Variants in NDFIP2 observed in about 807,000 individuals in gnomAD.
NDFIP2 encodes Nedd4 family interacting protein 2.
Under a neutral mutation model 36.0 loss-of-function variants are expected in NDFIP2, and 19 were observed. That is an observed-to-expected ratio of 0.53 (90% confidence interval 0.37 to 0.77). NDFIP2 has a LOEUF of 0.77. NDFIP2 is among the 30% of genes least tolerant of loss of function. The probability of loss-of-function intolerance (pLI) is 0.00; values close to 1 mark genes in which losing one functional copy is unlikely to be tolerated. For synonymous variants in NDFIP2, 181 were observed against 167.7 expected, an observed-to-expected ratio of 1.08 and a Z score of -0.61; for missense variants, 446 against 435.8, an observed-to-expected ratio of 1.02 and a Z score of -0.21.
intron 4 of NDFIP2, among the ~76,000 whole-genome samples, chr13:79,542,965 C>T (rs1287600626): frequency 6.6e-6 from 1 of 151,946 alleles, no homozygotes; most frequent in Non-Finnish European, 1.5e-5. Context: ...CAACCTCTAC[C>T]TCCCAGGTTC....
chr13:79,515,885 T>G (rs1019548338), intron 1 of NDFIP2, among the ~76,000 whole-genome samples: 3 of 144,956 alleles, frequency 2.1e-5, no homozygotes, highest in Non-Finnish European at 4.5e-5. Context: ...AATCAGGTGT[T>G]AAAAAGGTGA....
At position 79,553,523 on chromosome 13, in the gene NDFIP2, A is replaced by G. The variant is rs1035730581; in HGVS notation, c.*1010A>G. The G allele has an allele frequency of 2.4e-4, 37 of 151,596 alleles. No individual in the cohort carries two copies. The highest frequency in any genetic ancestry group is 2.7e-4 in the Non-Finnish European group (18 of 67,518). The allele number at this position is 151,596 out of a possible 1,614,324, so 9.4% of individuals were successfully genotyped here. A position where few individuals can be genotyped will look rare whatever the true frequency, so the allele number is the denominator to read the frequency against. On this transcript the variant is annotated 3_prime_UTR_variant, in exon 8 of 8. Transcript: ENST00000218652. ...TTAAAAGGCCAATAAAATATCTTTC[A>G]GTATCATTGTAATAATTTTTTAGAG...
At chr13:79,540,628 A>G (rs1219738448) in intron 4 of NDFIP2, among the ~76,000 whole-genome samples, 1 of 152,214 alleles carries the variant, frequency 6.6e-6, no homozygotes, top group East Asian at 1.9e-4. Flanking sequence ...GAAATAATTT[A>G]CTTATTTAAA....
At chr13:79,506,342 T>C (rs2140750132) in intron 1 of NDFIP2, among the ~76,000 whole-genome samples, 1 of 152,268 alleles carries the variant, frequency 6.6e-6, no homozygotes, top group South Asian at 2.1e-4. Flanking sequence ...ACTCTGTTAC[T>C]TCTTTAACAT....
rs1264636762 is a variant in NDFIP2 at position 79,553,777 on chromosome 13, A to G, written c.*1264A>G. 2 of 151,934 alleles carry G rather than the reference A, an allele frequency of 1.3e-5. No homozygotes were observed. Among genetic ancestry groups the G allele is most frequent in the East Asian group, 3.8e-4 (2 of 5,198 alleles). The allele number at this position is 151,934 out of a possible 1,614,324, so 9.4% of individuals were successfully genotyped here. On this transcript the variant is annotated 3_prime_UTR_variant, in exon 8 of 8. Coordinates refer to ENST00000218652, the MANE Select transcript of NDFIP2 (RefSeq NM_019080.3). ...ATTTAATTTACATTCATAAACTACT[A>G]TATTTCCCATCTTGCAAATCATTTT...
chr13:79,492,464 G>C (rs957859475), intron 1 of NDFIP2, among the ~76,000 whole-genome samples: 1 of 151,890 alleles, frequency 6.6e-6, no homozygotes, highest in Non-Finnish European at 1.5e-5. Flanking sequence ...AGTGCAGTCT[G>C]GTGGATCACA....
chr13:79,544,939 C>G (rs1875605979), intron 5 of NDFIP2, among the ~76,000 whole-genome samples: 1 of 152,144 alleles, frequency 6.6e-6, no homozygotes, highest in South Asian at 2.1e-4. Flanking sequence ...ATCATTAGAA[C>G]TATCCCCTGA....
At chr13:79,528,011 T>C (rs2484342) in intron 2 of NDFIP2, among the ~76,000 whole-genome samples, 152,043 of 152,368 alleles carry the variant, frequency 1, 75,862 homozygotes, top group East Asian at 1. Flanking sequence ...TGCCTATAAT[T>C]CCAGTACTTT....
At chr13:79,501,065 GA>G (rs1018407138) in intron 1 of NDFIP2, among the ~76,000 whole-genome samples, 4 of 152,158 alleles carry the variant, frequency 2.6e-5, no homozygotes, top group African/African-American at 9.6e-5. Flanking sequence ...AAGCCAGTCT[GA>G]AAAGGCTGTA....
intron 1 of NDFIP2, among the ~76,000 whole-genome samples, chr13:79,504,765 T>C (rs981638382): frequency 6.6e-6 from 1 of 152,204 alleles, no homozygotes; most frequent in Non-Finnish European, 1.5e-5. Context: ...TAAATAGTTA[T>C]AACTTTAGTG....
At chr13:79,538,255 C>T (rs973825711) in intron 3 of NDFIP2, among the ~76,000 whole-genome samples, 6 of 152,074 alleles carry the variant, frequency 3.9e-5, no homozygotes, top group East Asian at 1.9e-4. Context: ...GGACACAGAT[C>T]GAACCATATA....
At chr13:79,491,975 C>T (rs981011441) in intron 1 of NDFIP2, among the ~76,000 whole-genome samples, 1 of 152,102 alleles carries the variant, frequency 6.6e-6, no homozygotes, top group Non-Finnish European at 1.5e-5. Context: ...GACTTGCTTG[C>T]TTTTAAGATT....
intron 3 of NDFIP2, among the ~76,000 whole-genome samples, chr13:79,539,014 G>A (rs189338554): frequency 1.3e-5 from 2 of 152,284 alleles, no homozygotes; most frequent in African/African-American, 4.8e-5. Flanking sequence ...GACTGGCATC[G>A]AATGCCGGCA....
intron 1 of NDFIP2, among the ~76,000 whole-genome samples, chr13:79,509,416 AG>A (rs1319230514): frequency 1.3e-5 from 2 of 152,148 alleles, no homozygotes; most frequent in African/African-American, 4.8e-5. Context: ...GTGGAGACCA[AG>A]GTTTGATCAT....
intron 1 of NDFIP2, among the ~76,000 whole-genome samples, chr13:79,505,322 C>T (rs565216555): frequency 6.6e-6 from 1 of 152,256 alleles, no homozygotes; most frequent in African/African-American, 2.4e-5. Context: ...GTTATCCTTA[C>T]TGTGGGAGTT....
In NDFIP2 at chr13:79,554,239, T is replaced by G. The variant is rs1876021144; in HGVS notation, c.*1726T>G. Reference sequence around the variant, plus strand: ...ATGGGGTAAAGAAAAAATATTTAGTTTAGTTGCCTAATTTGGAAGTTAATT... The same window carrying G: ...ATGGGGTAAAGAAAAAATATTTAGTGTAGTTGCCTAATTTGGAAGTTAATT... On this transcript the variant is annotated 3_prime_UTR_variant, in exon 8 of 8. Coordinates refer to ENST00000218652, the MANE Select transcript of NDFIP2 (RefSeq NM_019080.3). 6.6e-6 allele frequency: 1 copy of G among 151,740 alleles called. No homozygotes were observed. Among genetic ancestry groups the G allele is most frequent in the African/African-American group, 2.4e-5 (1 of 41,430 alleles). 9.4% of individuals were successfully genotyped at this position (151,740 alleles called of 1,614,324 possible). A position where few individuals can be genotyped will look rare whatever the true frequency, so the allele number is the denominator to read the frequency against.
rs557459454 is a variant in NDFIP2, at chr13:79,519,319, G to A, written c.322-1491G>A. On this transcript the variant is annotated intron_variant, in intron 1 of 7. Transcript: ENST00000218652. Reference sequence around the variant, plus strand: ...TGAAATAGAGATTCCAGTTTTAAAAGTATCTTAAAAATTTTTAATAAGACT... The same window carrying A: ...TGAAATAGAGATTCCAGTTTTAAAAATATCTTAAAAATTTTTAATAAGACT... 4 of 152,248 alleles carry A rather than the reference G, an allele frequency of 2.6e-5. No homozygotes were observed. In the East Asian group the frequency reaches 7.7e-4, roughly 29 times the overall value. The allele number at this position is 152,248 out of a possible 1,614,324, so 9.4% of individuals were successfully genotyped here.
intron 3 of NDFIP2, among the ~76,000 whole-genome samples, chr13:79,536,631 C>T (rs1302712444): frequency 2.0e-5 from 3 of 151,980 alleles, no homozygotes; most frequent in Non-Finnish European, 2.9e-5. Context: ...AGTTAAATTC[C>T]CTGTAATCAA....
In NDFIP2 at chr13:79,507,565, C is replaced by T. The variant is rs1192174229; in HGVS notation, c.322-13245C>T. ...CTGGGATTACAGGCGTGAGCCACCG[C>T]GCCCGGCCTCTGATTGAGTTTTTAG... On this transcript the variant is annotated intron_variant, in intron 1 of 7. Transcript: ENST00000218652. Among the ~76,000 whole-genome samples, 2 of 18,200 alleles carry T rather than the reference C, an allele frequency of 1.1e-4. 1 individual carries two copies. The highest frequency in any genetic ancestry group is 1.6e-4 in the Non-Finnish European group (2 of 12,534). 11.9% of individuals were successfully genotyped at this position (18,200 alleles called of 152,430 possible).
Sources: gnomAD v4.1 joint callset for allele counts (sites outside exome capture counted in the v4.1 genomes callset) on GRCh38, gnomAD v4.1.1 for gene constraint, MANE v1.5 for transcripts, NCBI Gene and HGNC (gene_info 2026-07-23, HGNC 2026-07-21) for gene names.